Variants in RPS6KC1 observed in about 807,000 individuals in gnomAD.
RPS6KC1 encodes the protein ribosomal protein S6 kinase C1.
In RPS6KC1, 54 loss-of-function variants were observed where a neutral mutation model predicts 103.8. The observed-to-expected ratio is 0.52, with a 90% CI of 0.42 to 0.65. The LOEUF (loss-of-function observed/expected upper bound fraction) is 0.65, where lower values mean the gene tolerates loss of function less well. Among genes scored for constraint, RPS6KC1 ranks in the 30% least tolerant of loss-of-function variants. RPS6KC1 has a pLI of 0.00. For synonymous variants in RPS6KC1, 439 were observed against 438.7 expected (o/e 1.00, Z -0.01); for missense variants, 1,151 against 1,253.8 (o/e 0.92, Z 1.24).
chr1:213,387,791 T>C, the RPS6KC1 span, among the ~76,000 whole-genome samples: 1 of 152,184 alleles, frequency 6.6e-6, no homozygotes, highest in African/African-American at 2.4e-5. Context: ...AACTTCTGGA[T>C]TTTTACAGAT....
chr1:213,853,224 A>G, the RPS6KC1 span, among the ~76,000 whole-genome samples: 1 of 152,212 alleles, frequency 6.6e-6, no homozygotes, highest in Non-Finnish European at 1.5e-5. Flanking sequence ...TAATCAAGCC[A>G]TGGCCTTCAG....
chr1:213,124,342 T>C (rs1192330708), intron 5 of RPS6KC1, among the ~76,000 whole-genome samples: 3 of 152,192 alleles, frequency 2.0e-5, no homozygotes, highest in Non-Finnish European at 4.4e-5. Flanking sequence ...GGTTTAACTT[T>C]TGACAAATAG....
At chr1:213,340,838 G>A in the RPS6KC1 span, among the ~76,000 whole-genome samples, 1 of 152,264 alleles carries the variant, frequency 6.6e-6, no homozygotes. Context: ...AGGGCAGGCG[G>A]GGCCTGCCTG....
chr1:213,090,756 G>A (rs2080888790), intron 3 of RPS6KC1, among the ~76,000 whole-genome samples: 1 of 152,030 alleles, frequency 6.6e-6, no homozygotes, highest in Non-Finnish European at 1.5e-5. Flanking sequence ...GTTTATGTAG[G>A]TTTTAGCTAT....
At chr1:213,645,170 G>A in the RPS6KC1 span, among the ~76,000 whole-genome samples, 366 of 152,248 alleles carry the variant, frequency 2.4e-3, 2 homozygotes, top group African/African-American at 8.4e-3. Flanking sequence ...AGTGCTGATG[G>A]TGATGAGCAC....
At chr1:213,270,089 T>G (rs1283879852) in intron 14 of RPS6KC1, among the ~76,000 whole-genome samples, 2 of 152,164 alleles carry the variant, frequency 1.3e-5, no homozygotes, top group Admixed American at 6.5e-5. Flanking sequence ...GCAAAGGAGC[T>G]ATAATGTCCA....
the RPS6KC1 span, among the ~76,000 whole-genome samples, chr1:213,592,353 T>A: frequency 6.6e-6 from 1 of 152,186 alleles, no homozygotes; most frequent in African/African-American, 2.4e-5. Flanking sequence ...GATAAATATA[T>A]CCAGCAGTCT....
the RPS6KC1 span, among the ~76,000 whole-genome samples, chr1:213,696,709 T>C: frequency 2.0e-5 from 3 of 152,154 alleles, no homozygotes; most frequent in Non-Finnish European, 4.4e-5. Flanking sequence ...TATTCTTCAA[T>C]TAATCAGTTG....
intron 12 of RPS6KC1, among the ~76,000 whole-genome samples, chr1:213,260,619 G>T: frequency 6.7e-6 from 1 of 150,316 alleles, no homozygotes; most frequent in South Asian, 2.1e-4. Flanking sequence ...GTTATGAATT[G>T]TGGGTTACCT....
chr1:213,650,956 G>A, the RPS6KC1 span, among the ~76,000 whole-genome samples: 3 of 151,058 alleles, frequency 2.0e-5, no homozygotes, highest in East Asian at 1.9e-4. Context: ...AGAGGGGAGA[G>A]GGGGAGAGAG....
chr1:213,310,805 T>C, the RPS6KC1 span, among the ~76,000 whole-genome samples: 1 of 152,244 alleles, frequency 6.6e-6, no homozygotes, highest in Admixed American at 6.5e-5. Flanking sequence ...TGTAAGAATT[T>C]GTCTTAAAAT....
rs534241505 is a variant in RPS6KC1, at chr1:213,211,854, G to A, written c.1045-18643G>A. On this transcript the variant is annotated intron_variant, in intron 8 of 14. Coordinates refer to ENST00000366960, the MANE Select transcript of RPS6KC1 (RefSeq NM_012424.6). Reference sequence around the variant, plus strand: ...TTGTTTTAGTTATTTGTGTAAAGATGTGTAATCCAAGGATCTGGCCAAGTG... The same window carrying A: ...TTGTTTTAGTTATTTGTGTAAAGATATGTAATCCAAGGATCTGGCCAAGTG... 1.9e-3 allele frequency among the ~76,000 whole-genome samples: 297 copies of A among 152,320 alleles called. 1 individual carries two copies. Among genetic ancestry groups the A allele is most frequent in the African/African-American group, 6.9e-3 (286 of 41,572 alleles).
the RPS6KC1 span, among the ~76,000 whole-genome samples, chr1:213,579,425 T>G: frequency 6.6e-6 from 1 of 152,072 alleles, no homozygotes; most frequent in African/African-American, 2.4e-5. Context: ...AGAAGCCACC[T>G]CTATAACAAA....
chr1:213,830,965 C>G, the RPS6KC1 span, among the ~76,000 whole-genome samples: 1 of 152,114 alleles, frequency 6.6e-6, no homozygotes, highest in Non-Finnish European at 1.5e-5. Context: ...TCAAAGACCC[C>G]CCTGCCAGTG....
chr1:213,841,897 T>G, the RPS6KC1 span, among the ~76,000 whole-genome samples: 1 of 152,214 alleles, frequency 6.6e-6, no homozygotes, highest in Non-Finnish European at 1.5e-5. Flanking sequence ...GGCCTCAGTC[T>G]GTCCTTCTGA....
chr1:213,172,548 G>A (rs529673732), intron 7 of RPS6KC1, among the ~76,000 whole-genome samples: 28 of 152,338 alleles, frequency 1.8e-4, no homozygotes, highest in Non-Finnish European at 2.8e-4. Context: ...GGGAGATCGA[G>A]CTTGCAGTGA....
At chr1:213,691,962 AGG>A in the RPS6KC1 span, among the ~76,000 whole-genome samples, 2 of 152,242 alleles carry the variant, frequency 1.3e-5, no homozygotes, top group African/African-American at 2.4e-5. Flanking sequence ...ACTTTCTCTG[AGG>A]CCCTAGCGCT....
At chr1:213,085,450 A>G (rs1476902569) in intron 3 of RPS6KC1, among the ~76,000 whole-genome samples, 2 of 152,168 alleles carry the variant, frequency 1.3e-5, no homozygotes, top group Non-Finnish European at 2.9e-5. Flanking sequence ...AGACTACTAC[A>G]CAATGTATAT....
At chr1:213,556,233 G>A in the RPS6KC1 span, among the ~76,000 whole-genome samples, 1 of 152,084 alleles carries the variant, frequency 6.6e-6, no homozygotes, top group Non-Finnish European at 1.5e-5. Context: ...TGTAATATGT[G>A]GGGAGGAATT....
Sources: gnomAD v4.1 joint callset for allele counts (sites outside exome capture counted in the v4.1 genomes callset) on GRCh38, gnomAD v4.1.1 for gene constraint, MANE v1.5 for transcripts, NCBI Gene and HGNC (gene_info 2026-07-23, HGNC 2026-07-21) for gene names.